ADGRL3: variants seen among roughly 807,000 people sequenced by gnomAD.
ADGRL3 encodes the protein calcium-independent alpha-latrotoxin receptor 3.
Under a neutral mutation model 153.5 loss-of-function variants are expected in ADGRL3, and 62 were observed. The ratio of observed to expected loss-of-function variants is 0.40; its 90% confidence interval spans 0.33 to 0.50. The LOEUF (loss-of-function observed/expected upper bound fraction) is 0.50. ADGRL3 is among the 20% of genes least tolerant of loss of function. The pLI is 0.47. For missense variants in ADGRL3, 1,641 were observed against 1,859.4 expected (o/e 0.88, Z 2.16); for synonymous variants, 710 against 672.5 (o/e 1.06, Z -0.86).
intron 2 of ADGRL3, among the ~76,000 whole-genome samples, chr4:61,403,690 C>T (rs561074204): frequency 1.3e-5 from 2 of 152,148 alleles, no homozygotes; most frequent in Admixed American, 6.5e-5. Context: ...GGGAGTCAGA[C>T]GTGCAGTTGA....
At chr4:61,566,143 T>C (rs2098815270) in intron 4 of ADGRL3, among the ~76,000 whole-genome samples, 2 of 152,124 alleles carry the variant, frequency 1.3e-5, no homozygotes, top group Admixed American at 1.3e-4. Context: ...AAGTTTATTA[T>C]CTCACAGTTC....
intron 8 of ADGRL3, among the ~76,000 whole-genome samples, chr4:61,813,505 G>C (rs2097653636): frequency 6.6e-6 from 1 of 151,936 alleles, no homozygotes; most frequent in Non-Finnish European, 1.5e-5. Flanking sequence ...ATATGTCTTT[G>C]CTTTGAGTTT....
intron 5 of ADGRL3, among the ~76,000 whole-genome samples, chr4:61,634,367 G>A (rs1348673858): frequency 6.6e-6 from 1 of 152,110 alleles, no homozygotes; most frequent in Non-Finnish European, 1.5e-5. Flanking sequence ...TTCATCCATT[G>A]CAAGCTCTGT....
chr4:61,701,430 A>ATTTTT lies in ADGRL3; in HGVS notation c.583+24513_583+24517dup, dbSNP rs71664995. Among the ~76,000 whole-genome samples the ATTTTT allele has an allele frequency of 4.1e-3, 436 of 105,394 alleles. 16 individuals are homozygous for ATTTTT. Among genetic ancestry groups the ATTTTT allele is most frequent in the African/African-American group, 8.9e-3 (233 of 26,042 alleles). The allele number at this position is 105,394 out of a possible 152,430, so 69.1% of individuals were successfully genotyped here. ...ATATCAGAAGCACATTAAAGGTACA[A>ATTTTT]TTTTTTTTTTTTTTTTTTTTTTGAG... On this transcript the variant is annotated intron_variant, in intron 6 of 26. Coordinates refer to ENST00000683033, the MANE Select transcript of ADGRL3 (RefSeq NM_001387552.1).
At chr4:61,531,805 T>A (rs953778046) in intron 4 of ADGRL3, among the ~76,000 whole-genome samples, 3 of 152,036 alleles carry the variant, frequency 2.0e-5, no homozygotes, top group African/African-American at 7.3e-5. Context: ...TCTTCATTGC[T>A]GTGCCCTTAG....
chr4:61,608,111 G>C (rs1055028870), intron 5 of ADGRL3, among the ~76,000 whole-genome samples: 2 of 152,236 alleles, frequency 1.3e-5, no homozygotes, highest in African/African-American at 4.8e-5. Flanking sequence ...TCCATAGGAG[G>C]AGAGCAGTGA....
chr4:61,645,561 A>C (rs2093935979), intron 5 of ADGRL3, among the ~76,000 whole-genome samples: 1 of 152,030 alleles, frequency 6.6e-6, no homozygotes, highest in African/African-American at 2.4e-5. Context: ...GTTTGGCTGG[A>C]TATGAAATTC....
chr4:61,224,581 T>G (rs978706158), intron 1 of ADGRL3, among the ~76,000 whole-genome samples: 1 of 152,144 alleles, frequency 6.6e-6, no homozygotes, highest in African/African-American at 2.4e-5. Flanking sequence ...GGGGATGGTG[T>G]TGTTTAACGT....
At chr4:61,220,412 A>G (rs1744942210) in intron 1 of ADGRL3, among the ~76,000 whole-genome samples, 1 of 152,176 alleles carries the variant, frequency 6.6e-6, no homozygotes, top group Non-Finnish European at 1.5e-5. Flanking sequence ...CATAGCAGCT[A>G]TGTGACTTTG....
At chr4:61,588,968 GCT>G (rs757964724) in intron 5 of ADGRL3, among the ~76,000 whole-genome samples, 1 of 152,008 alleles carries the variant, frequency 6.6e-6, no homozygotes, top group Non-Finnish European at 1.5e-5. Context: ...AGAAGCATTA[GCT>G]CTTTCATCTG....
At chr4:61,886,343 T>A (rs749869319) in intron 9 of ADGRL3, among the ~76,000 whole-genome samples, 26 of 152,190 alleles carry the variant, frequency 1.7e-4, no homozygotes, top group Non-Finnish European at 3.1e-4. Flanking sequence ...GTTTCAGTTT[T>A]CTTATTTCCT....
chr4:61,624,858 TTAAA>T (rs2092738516), intron 5 of ADGRL3, among the ~76,000 whole-genome samples: 1 of 152,108 alleles, frequency 6.6e-6, no homozygotes. Context: ...CAAAAGCAGC[TTAAA>T]TATTTTGTTA....
At chr4:61,587,483 C>T in intron 5 of ADGRL3, 43 bp downstream of exon 5, 1 of 1,354,422 alleles carries the variant, frequency 7.4e-7, no homozygotes, top group Non-Finnish European at 1.0e-6. Context: ...ACAATATAAA[C>T]CTTCAACATC....
intron 1 of ADGRL3, among the ~76,000 whole-genome samples, chr4:61,302,760 T>A (rs1376085757): frequency 6.6e-6 from 1 of 152,118 alleles, no homozygotes; most frequent in Non-Finnish European, 1.5e-5. Flanking sequence ...TTAGAGTAAT[T>A]AATGCAAATA....
rs528459207 is a variant in ADGRL3 at position 61,773,177 on chromosome 4, C to T, written c.1399+39623C>T. Among the ~76,000 whole-genome samples, 4 of 152,204 alleles carry T rather than the reference C, an allele frequency of 2.6e-5. No individual in the cohort carries two copies. The East Asian group carries it at 7.7e-4, about 29-fold the overall frequency. On this transcript the variant is annotated intron_variant, in intron 8 of 26. Coordinates refer to ENST00000683033, the MANE Select transcript of ADGRL3 (RefSeq NM_001387552.1). ...ATGCACTTGTCCAGGTGGATAATACCGAGCTGGAGAAGACTTGAATCTGAC... is the reference window on the plus strand; with the variant it reads ...ATGCACTTGTCCAGGTGGATAATACTGAGCTGGAGAAGACTTGAATCTGAC...
At chr4:61,962,700 T>G (rs2098992457) in intron 17 of ADGRL3, among the ~76,000 whole-genome samples, 1 of 152,234 alleles carries the variant, frequency 6.6e-6, no homozygotes. Context: ...TTTAGTCATT[T>G]GTATTACTGA....
At chr4:61,425,372 A>G (rs866827096) in intron 2 of ADGRL3, 1 of 152,318 alleles carries the variant, frequency 6.6e-6, no homozygotes, top group African/African-American at 2.4e-5. Context: ...CCAGTTCTCC[A>G]TAGAAGCTAA....
intron 9 of ADGRL3, among the ~76,000 whole-genome samples, chr4:61,869,750 C>A (rs1377911324): frequency 6.6e-6 from 1 of 150,992 alleles, no homozygotes; most frequent in Admixed American, 6.6e-5. Context: ...ACCAGCCTGA[C>A]CAACATGGAG....
rs575445666 is a variant in ADGRL3 at position 61,378,898 on chromosome 4, A to G, written c.-239-4226A>G. Among the ~76,000 whole-genome samples the G allele has an allele frequency of 2.6e-5, 4 of 152,104 alleles. No individual in the cohort carries two copies. The South Asian group carries it at 8.3e-4, about 31-fold the overall frequency. On this transcript the variant is annotated intron_variant, in intron 1 of 26. Coordinates refer to ENST00000683033, the MANE Select transcript of ADGRL3 (RefSeq NM_001387552.1). ...GTGTGTAGACCAGTGAGACAAGATTAGTGGCAGGTGGTTGAACGAAGTACA... is the reference window on the plus strand; with the variant it reads ...GTGTGTAGACCAGTGAGACAAGATTGGTGGCAGGTGGTTGAACGAAGTACA...
Sources: allele counts gnomAD v4.1 joint callset (sites outside exome capture counted in the v4.1 genomes callset), GRCh38; gene constraint gnomAD v4.1.1; transcripts MANE v1.5; gene names NCBI Gene and HGNC (gene_info 2026-07-23, HGNC 2026-07-21).